MAVS: variants seen among roughly 807,000 people sequenced by gnomAD.
MAVS encodes the protein mitochondrial antiviral-signaling protein.
A neutral mutation model predicts 30.2 loss-of-function variants in MAVS; 20 were observed. The ratio of observed to expected loss-of-function variants is 0.66; its 90% CI spans 0.47 to 0.96. The LOEUF is 0.96. MAVS is among the 40% of genes least tolerant of loss of function. The probability of loss-of-function intolerance (pLI) is 0.00; values close to 1 mark genes in which losing one functional copy is unlikely to be tolerated. For synonymous variants in MAVS, 278 were observed against 293.9 expected, an observed-to-expected ratio of 0.95 and a Z score of 0.55; for missense variants, 624 against 701.1, an observed-to-expected ratio of 0.89 and a Z score of 1.24.
At chr20:3,860,099 G>A (rs1020582890) in intron 3 of MAVS, among the ~76,000 whole-genome samples, 2 of 152,136 alleles carry the variant, frequency 1.3e-5, no homozygotes, top group Non-Finnish European at 1.5e-5. Flanking sequence ...TTACAGGCGT[G>A]AGCCACCAAG....
At position 3,867,484 on chromosome 20, in the gene MAVS, T is replaced by C. The variant is rs2089918232; in HGVS notation, c.*1337T>C. 2 of 171,118 alleles carry C rather than the reference T, an allele frequency of 1.2e-5. No homozygotes were observed. The highest frequency in any genetic ancestry group is 2.4e-5 in the African/African-American group (1 of 41,716). 10.6% of individuals were successfully genotyped at this position (171,118 alleles called of 1,614,324 possible). A position where few individuals can be genotyped will look rare whatever the true frequency, so the allele number is the denominator to read the frequency against. On this transcript the variant is annotated 3_prime_UTR_variant, in exon 7 of 7. Transcript: ENST00000428216. The stretch of plus-strand genomic sequence containing the variant: ...GTGGTGGTGCACCTGTCGTCTTAGC[T>C]ACTTGGGAGGCTGAGGTGGGAGGAT...
rs1246816386 is a variant in MAVS, at chr20:3,867,250, T to C, written c.*1103T>C. 2.8e-6 allele frequency: 1 copy of C among 358,250 alleles called. No individual in the cohort carries two copies. 22.2% of individuals were successfully genotyped at this position (358,250 alleles called of 1,614,324 possible). A position where few individuals can be genotyped will look rare whatever the true frequency, so the allele number is the denominator to read the frequency against. On this transcript the variant is annotated 3_prime_UTR_variant, in exon 7 of 7. Transcript: ENST00000428216. ...GGATTTATCTGTCTGTCCCTTAGTTTTCTCACCTGTAAAAGGAGGATAAGT... is the reference window on the plus strand; with the variant it reads ...GGATTTATCTGTCTGTCCCTTAGTTCTCTCACCTGTAAAAGGAGGATAAGT...
chr20:3,863,474 A>T (rs1393931844), intron 5 of MAVS, among the ~76,000 whole-genome samples: 3 of 152,178 alleles, frequency 2.0e-5, no homozygotes, highest in Non-Finnish European at 4.4e-5. Context: ...TGGCCACGGG[A>T]TGCCTTTCAG....
rs773427676 is a variant in MAVS at position 3,861,363 on chromosome 20, G to A, written c.324G>A (p.Glu108=). The A allele has an allele frequency of 2.5e-6, 4 of 1,613,808 alleles. No homozygotes were observed. In the East Asian group the frequency reaches 8.9e-5, roughly 36 times the overall value. The stretch of plus-strand genomic sequence containing the variant: ...CGGACCGTCCCCCAGACCCACTGGA[G>A]CCACCGTCACTTCCTGCTGAGAGGC... ...RTSDRPPDPL[E]PPSLPAERPG... The change falls in exon 4 of 7, where the codon GAG becomes GAA. Residue 108 remains glutamate, a synonymous_variant. Transcript: ENST00000428216.
intron 5 of MAVS, among the ~76,000 whole-genome samples, chr20:3,863,714 C>T (rs919096100): frequency 8.5e-5 from 13 of 152,144 alleles, no homozygotes; most frequent in Non-Finnish European, 1.5e-4. Flanking sequence ...CTTCCCCCAC[C>T]CAGGTCAGGC....
Position 3,866,263 on chromosome 20 carries a change from T to C in MAVS, c.*116T>C, listed in dbSNP as rs2089908265. On this transcript the variant is annotated 3_prime_UTR_variant, in exon 7 of 7. Coordinates refer to ENST00000428216, the MANE Select transcript of MAVS (RefSeq NM_020746.5). ...TTGTGGAGGCTGGGTCAGAGGGGAG[T>C]TAAGGGACTGCAGGCCTGGCAGCAG... The C allele has an allele frequency of 9.9e-7, 1 of 1,007,746 alleles. No individual in the cohort carries two copies. The highest frequency in any genetic ancestry group is 1.4e-6 in the Non-Finnish European group (1 of 707,908). 62.4% of individuals were successfully genotyped at this position (1,007,746 alleles called of 1,614,324 possible).
chr20:3,864,929 C>G, intron 6 of MAVS, 141 bp downstream of exon 6: 1 of 1,024,474 alleles, frequency 9.8e-7, no homozygotes, highest in Non-Finnish European at 1.4e-6. Context: ...TGAGGGCATA[C>G]AGACAGTTGA....
At chr20:3,849,815 C>T (rs6084496) in intron 1 of MAVS, among the ~76,000 whole-genome samples, 9,992 of 152,196 alleles carry the variant, frequency 0.066, 478 homozygotes, top group African/African-American at 0.13. Flanking sequence ...TTTGTCCCAC[C>T]CCATTAGAAT....
rs1284071203 is a variant in MAVS, at chr20:3,869,855, T to C, written c.*3708T>C. 1.3e-5 allele frequency: 2 copies of C among 152,316 alleles called. No homozygotes were observed. Among genetic ancestry groups the C allele is most frequent in the African/African-American group, 4.8e-5 (2 of 41,556 alleles). The allele number at this position is 152,316 out of a possible 1,614,324, so 9.4% of individuals were successfully genotyped here. ...CCTGACCTCAAGTGCTCCACCTGCG[T>C]TGGCTTCCCAAAGTGCTGGGATACA... On this transcript the variant is annotated 3_prime_UTR_variant, in exon 7 of 7. Coordinates refer to ENST00000428216, the MANE Select transcript of MAVS (RefSeq NM_020746.5).
rs1315963779 is a variant in MAVS at position 3,862,421 on chromosome 20, T to A, written c.625+8T>A. 7 of 1,608,022 alleles carry A rather than the reference T, an allele frequency of 4.4e-6. No homozygotes were observed. Among genetic ancestry groups the A allele is most frequent in the South Asian group, 1.1e-5 (1 of 90,458 alleles). On this transcript the variant is annotated splice_region_variant and intron_variant, in intron 5 of 6. Transcript: ENST00000428216. ...GCAGTACCCACACAGCAGGTATGCA[T>A]GGAATCTGGAATTATAGGGTCCTTC... is the stretch of plus-strand genomic sequence containing the variant.
At chr20:3,862,996 TGGA>T (rs2089878060) in intron 5 of MAVS, among the ~76,000 whole-genome samples, 1 of 151,826 alleles carries the variant, frequency 6.6e-6, no homozygotes, top group Non-Finnish European at 1.5e-5. Flanking sequence ...TGGGGCTGGG[TGGA>T]GATGAGCGAG....
rs747271653 is a variant in MAVS, at chr20:3,864,787, A to G, written c.1157A>G (p.Glu386Gly). ...CCCACTGACGGGAGCAGCAGAAATG[A>G]GGTGAGTCCTCGCCCTTCCTGGCAG... Reference protein sequence around the residue: ...TVPTDGSSRNEETPAAPTPAG... With the variant: ...TVPTDGSSRNGETPAAPTPAG... Residue 386 changes from glutamate (E) to glycine (G), a missense_variant and splice_region_variant, in exon 6 of 7, where the codon GAG becomes GGG. Transcript: ENST00000428216. 4 of 1,612,510 alleles carry G rather than the reference A, an allele frequency of 2.5e-6. No individual in the cohort carries two copies. In the South Asian group the frequency reaches 4.4e-5, roughly 18 times the overall value.
At position 3,866,735 on chromosome 20, in the gene MAVS, G is replaced by T; in HGVS notation, c.*588G>T. 2.7e-6 allele frequency: 1 copy of T among 373,948 alleles called. No individual in the cohort carries two copies. Among genetic ancestry groups the T allele is most frequent in the South Asian group, 2.0e-5 (1 of 49,320 alleles). The allele number at this position is 373,948 out of a possible 1,614,324, so 23.2% of individuals were successfully genotyped here. A position where few individuals can be genotyped will look rare whatever the true frequency, so the allele number is the denominator to read the frequency against. On this transcript the variant is annotated 3_prime_UTR_variant, in exon 7 of 7. Coordinates refer to ENST00000428216, the MANE Select transcript of MAVS (RefSeq NM_020746.5). ...TCCCCTGCTGGGCAATCCTGGGAAG[G>T]TCTGGAGGTTCCTGTGGACCTCAGG...
Position 3,867,149 on chromosome 20 carries a change from G to A in MAVS, c.*1002G>A, listed in dbSNP as rs1048076220. ...AGAGGCAGAGTGCACAGTGGTCAAG[G>A]GTGCAGCTCTGCAGCACAGGCAGCC... On this transcript the variant is annotated 3_prime_UTR_variant, in exon 7 of 7. Coordinates refer to ENST00000428216, the MANE Select transcript of MAVS (RefSeq NM_020746.5). 5 of 437,994 alleles carry A rather than the reference G, an allele frequency of 1.1e-5. No homozygotes were observed. Among genetic ancestry groups the A allele is most frequent in the African/African-American group, 6.0e-5 (3 of 49,734 alleles). 27.1% of individuals were successfully genotyped at this position (437,994 alleles called of 1,614,324 possible). A position where few individuals can be genotyped will look rare whatever the true frequency, so the allele number is the denominator to read the frequency against.
chr20:3,868,286 G>C lies in MAVS; in HGVS notation c.*2139G>C, dbSNP rs6052134. 1 of 152,296 alleles carries C rather than the reference G, an allele frequency of 6.6e-6. No homozygotes were observed. The highest frequency in any genetic ancestry group is 2.4e-5 in the African/African-American group (1 of 41,414). The allele number at this position is 152,296 out of a possible 1,614,324, so 9.4% of individuals were successfully genotyped here. On this transcript the variant is annotated 3_prime_UTR_variant, in exon 7 of 7. Coordinates refer to ENST00000428216, the MANE Select transcript of MAVS (RefSeq NM_020746.5). ...CAGGTCAGTTAACAATTTATGCACA[G>C]GTACTAGTTTTATTGTATTACCGTT...
intron 2 of MAVS, 145 bp downstream of exon 2, chr20:3,854,886 C>A: frequency 2.7e-6 from 1 of 372,156 alleles, no homozygotes; most frequent in African/African-American, 3.2e-5. Context: ...GTCCTTGCTG[C>A]TTTTCTTTTT....
At chr20:3,856,902 G>C (rs2089815954) in intron 2 of MAVS, among the ~76,000 whole-genome samples, 1 of 151,970 alleles carries the variant, frequency 6.6e-6, no homozygotes, top group Non-Finnish European at 1.5e-5. Context: ...CGGGTGTGGT[G>C]GTGGGCTCCT....
chr20:3,862,636 A>G (rs189423577), intron 5 of MAVS, among the ~76,000 whole-genome samples: 2 of 152,302 alleles, frequency 1.3e-5, no homozygotes, highest in Non-Finnish European at 2.9e-5. Flanking sequence ...AGCTTAAAAT[A>G]CAGCCATTTA....
In MAVS at chr20:3,864,307, C is replaced by T. The variant is rs778184452; in HGVS notation, c.677C>T (p.Ser226Phe). The stretch of plus-strand genomic sequence containing the variant: ...CGTGGGCCTGTGTCTCCATCTGTCT[C>T]CTTCCAGCCCCTGGCCCGTTCCACC... The part of the protein sequence containing the change: ...PSRGPVSPSV[S>F]FQPLARSTPR... The change falls in exon 6 of 7, where the codon TCC (serine) becomes TTC (phenylalanine). Residue 226 changes from serine (S) to phenylalanine (F), a missense_variant. By Grantham distance (155) the Ser-to-Phe change is radical. Coordinates refer to ENST00000428216, the MANE Select transcript of MAVS (RefSeq NM_020746.5). 1 of 1,613,770 alleles carries T rather than the reference C, an allele frequency of 6.2e-7. No individual in the cohort carries two copies.
Sources: allele counts gnomAD v4.1 joint callset (sites outside exome capture counted in the v4.1 genomes callset), GRCh38; gene constraint gnomAD v4.1.1; transcripts MANE v1.5; gene names NCBI Gene and HGNC (gene_info 2026-07-23, HGNC 2026-07-21).